The following PTK2 variants were observed in gnomAD, a reference collection of about 807,000 sequenced individuals.
PTK2 encodes protein tyrosine kinase 2.
In PTK2, 45 loss-of-function variants were observed where a neutral mutation model predicts 150.1. The observed-to-expected ratio is 0.30, with a 90% CI of 0.24 to 0.38. PTK2 has a LOEUF of 0.38. Ranked by LOEUF, PTK2 falls within the 10% of genes least tolerant of loss-of-function variation. The pLI, the probability that PTK2 is intolerant of heterozygous loss-of-function variation, is 1.00. For synonymous variants in PTK2, 432 were observed against 449.2 expected (o/e 0.96, Z 0.48); for missense variants, 919 against 1,307.3 (o/e 0.70, Z 4.58).
chr8:140,740,324 A>G (rs2100054975), intron 20 of PTK2, among the ~76,000 whole-genome samples: 1 of 152,196 alleles, frequency 6.6e-6, no homozygotes, highest in Non-Finnish European at 1.5e-5. Flanking sequence ...ATGACCAGGG[A>G]AGGCTGCAGG....
chr8:140,715,802 A>C (rs1458096396), intron 23 of PTK2, among the ~76,000 whole-genome samples: 1 of 152,114 alleles, frequency 6.6e-6, no homozygotes, highest in East Asian at 1.9e-4. Context: ...AAGTGTAAGG[A>C]TATTTAAATA....
At chr8:140,984,524 T>C (rs1176549122) in intron 1 of PTK2, among the ~76,000 whole-genome samples, 1 of 152,188 alleles carries the variant, frequency 6.6e-6, no homozygotes, top group Non-Finnish European at 1.5e-5. Flanking sequence ...GTGGCATGTA[T>C]GCACTTAAAC....
chr8:140,915,867 A>C (rs1018479216), intron 2 of PTK2, among the ~76,000 whole-genome samples: 5 of 152,022 alleles, frequency 3.3e-5, no homozygotes, highest in Admixed American at 6.6e-5. Context: ...ACGCCACTGC[A>C]CTCCAGTCTG....
intron 1 of PTK2, among the ~76,000 whole-genome samples, chr8:140,932,453 T>C (rs1177670638): frequency 6.6e-6 from 1 of 152,104 alleles, no homozygotes. Context: ...TGACCTCCAG[T>C]GATCCACCCG....
At chr8:140,839,594 G>GA (rs1001637483) in intron 7 of PTK2, among the ~76,000 whole-genome samples, 1 of 151,802 alleles carries the variant, frequency 6.6e-6, no homozygotes, top group Admixed American at 6.6e-5. Flanking sequence ...GTGGTAGAAT[G>GA]AAAAAAACAA....
intron 22 of PTK2, among the ~76,000 whole-genome samples, chr8:140,730,121 T>C (rs1168603343): frequency 2.6e-5 from 4 of 152,174 alleles, no homozygotes; most frequent in South Asian, 2.1e-4. Flanking sequence ...AGCTCAATGA[T>C]AGAAGACCAG....
At chr8:140,790,040 C>T (rs1420897766) in intron 13 of PTK2, among the ~76,000 whole-genome samples, 3 of 150,702 alleles carry the variant, frequency 2.0e-5, no homozygotes, top group Non-Finnish European at 4.4e-5. Flanking sequence ...ATGTATCTTG[C>T]TACTTGCTTC....
At chr8:140,968,918 G>A (rs2100186250) in intron 1 of PTK2, among the ~76,000 whole-genome samples, 2 of 152,210 alleles carry the variant, frequency 1.3e-5, no homozygotes, top group Admixed American at 6.5e-5. Flanking sequence ...ACTGATCAGG[G>A]ACGCAAAATC....
chr8:140,836,903 G>T (rs75378864), intron 7 of PTK2, among the ~76,000 whole-genome samples: 139 of 152,212 alleles, frequency 9.1e-4, no homozygotes, highest in African/African-American at 3.1e-3. Context: ...GAATCAAGCA[G>T]AAATGAAAAG....
intron 2 of PTK2, among the ~76,000 whole-genome samples, chr8:140,919,712 A>C (rs1430245400): frequency 6.6e-6 from 1 of 152,182 alleles, no homozygotes; most frequent in Non-Finnish European, 1.5e-5. Flanking sequence ...CTAAAATTTT[A>C]AAAAGTTCCC....
At chr8:140,797,164 G>C (rs972225316) in intron 12 of PTK2, among the ~76,000 whole-genome samples, 1 of 152,006 alleles carries the variant, frequency 6.6e-6, no homozygotes, top group Non-Finnish European at 1.5e-5. Context: ...CAGAAGTCTT[G>C]CCAGTGGTGG....
chr8:140,806,796 G>T (rs950107429), intron 10 of PTK2, among the ~76,000 whole-genome samples: 4 of 152,104 alleles, frequency 2.6e-5, no homozygotes, highest in African/African-American at 9.7e-5. Flanking sequence ...TTGAGTAGGG[G>T]AATAACATGC....
At chr8:140,808,454 G>A (rs1789281005) in intron 10 of PTK2, among the ~76,000 whole-genome samples, 1 of 152,062 alleles carries the variant, frequency 6.6e-6, no homozygotes, top group South Asian at 2.1e-4. Flanking sequence ...TATTTCATAG[G>A]CACAGAGGTC....
intron 14 of PTK2, among the ~76,000 whole-genome samples, chr8:140,776,745 G>A (rs895725737): frequency 2.0e-5 from 3 of 152,100 alleles, no homozygotes; most frequent in Non-Finnish European, 4.4e-5. Context: ...TAGTGGCCAC[G>A]GGTCTGGAGT....
intron 31 of PTK2, chr8:140,660,521 T>A (rs1202557463): frequency 2.3e-6 from 1 of 434,042 alleles, no homozygotes; most frequent in Non-Finnish European, 4.6e-6. Flanking sequence ...CTCAAAAGTT[T>A]GAGGCCAGCC....
rs1231467767 is a variant in PTK2 at position 140,748,612 on chromosome 8, C to G, written c.1418-1752G>C. On this transcript the variant is annotated intron_variant, in intron 17 of 31. Transcript: ENST00000522684. ...GTTTATGGTCCTGTACTACTACTCT[C>G]AGGAGAGTCTGATGCTAAATGTGGC... Among the ~76,000 whole-genome samples the G allele has an allele frequency of 2.6e-5, 4 of 152,090 alleles. No homozygotes were observed. In the East Asian group the frequency reaches 7.7e-4, roughly 29 times the overall value.
chr8:140,761,165 T>C lies in PTK2; in HGVS notation c.1332A>G (p.Pro444=), dbSNP rs151037049. ...TGTTTGGTAGTCTTAAAAGACTTAC[T>C]GGACTCATATAAATGCCTTGATGTA... Residue 444 remains proline, a splice_region_variant and synonymous_variant, in exon 16 of 32, where the codon CCA becomes CCG. Coordinates refer to ENST00000522684, the Ensembl canonical transcript of PTK2. The C allele has an allele frequency of 8.2e-5, 131 of 1,594,792 alleles. No homozygotes were observed. In the African/African-American group the frequency reaches 1.6e-3, roughly 20 times the overall value.
Position 140,900,470 on chromosome 8 carries a change from C to T in PTK2, c.-32-9701G>A, listed in dbSNP as rs149527650. On this transcript the variant is annotated intron_variant, in intron 2 of 31. Coordinates refer to ENST00000522684, the Ensembl canonical transcript of PTK2. ...GGTGTGGTGGCTCATGCCTGTAATC[C>T]CAGCACTTTGGGAGGTCAAGGCAGG... 1.4e-4 allele frequency among the ~76,000 whole-genome samples: 22 copies of T among 152,132 alleles called. No individual in the cohort carries two copies. The East Asian group carries it at 4.1e-3, about 28-fold the overall frequency.
chr8:140,724,961 T>C, intron 22 of PTK2, among the ~76,000 whole-genome samples: 1 of 152,244 alleles, frequency 6.6e-6, no homozygotes, highest in East Asian at 1.9e-4. Flanking sequence ...CTGGAGATTA[T>C]GGCCTTTAGT....
Sources: allele counts gnomAD v4.1 joint callset (sites outside exome capture counted in the v4.1 genomes callset), GRCh38; gene constraint gnomAD v4.1.1; transcripts MANE v1.5; gene names NCBI Gene and HGNC (gene_info 2026-07-23, HGNC 2026-07-21).